Variants in RNF212B observed in about 807,000 individuals in gnomAD.
The protein encoded by RNF212B is ring finger protein 212B.
In RNF212B, 52 loss-of-function variants were observed where a neutral mutation model predicts 55.5. The ratio of observed to expected loss-of-function variants is 0.94; its 90% CI spans 0.75 to 1.18. RNF212B has a LOEUF of 1.18. RNF212B is among the 50% of genes most tolerant of loss of function. The probability of loss-of-function intolerance (pLI) is 0.00; values close to 1 mark genes in which losing one functional copy is unlikely to be tolerated. For missense variants in RNF212B, 289 were observed against 350.4 expected (o/e 0.82, Z 1.40); for synonymous variants, 99 against 121.4 (o/e 0.82, Z 1.21).
intron 5 of RNF212B, among the ~76,000 whole-genome samples, chr14:23,258,880 C>G (rs751758058): frequency 6.6e-6 from 1 of 151,756 alleles, no homozygotes; most frequent in Non-Finnish European, 1.5e-5. Flanking sequence ...TCTTCTATTT[C>G]TCGGTATCAA....
intron 2 of RNF212B, among the ~76,000 whole-genome samples, chr14:23,212,345 T>C (rs867610345): frequency 1.2e-4 from 19 of 152,178 alleles, no homozygotes; most frequent in African/African-American, 4.3e-4. Context: ...CTGTTTTTCT[T>C]TTTTTGAGCT....
At chr14:23,234,012 GC>G (rs1454146982), upstream of RNF212B, among the ~76,000 whole-genome samples, 1 of 152,102 alleles carries the variant, frequency 6.6e-6, no homozygotes, top group African/African-American at 2.4e-5. Flanking sequence ...CAGGAGAATT[GC>G]TTGAACCTGG....
intron 2 of RNF212B, among the ~76,000 whole-genome samples, chr14:23,232,056 G>T (rs532582163): frequency 6.6e-6 from 1 of 151,892 alleles, no homozygotes; most frequent in East Asian, 1.9e-4. Context: ...GCCTCTGCCC[G>T]GCTGCCACCC....
rs934609686 is a variant in RNF212B at position 23,258,556 on chromosome 14, G to A, written c.236G>A (p.Ser79Asn). The A allele has an allele frequency of 1.9e-5, 29 of 1,518,074 alleles. No individual in the cohort carries two copies. The highest frequency in any genetic ancestry group is 2.5e-5 in the South Asian group (2 of 80,328). The allele number at this position is 1,518,074 out of a possible 1,614,324, so 94.0% of individuals were successfully genotyped here. A position where few individuals can be genotyped will look rare whatever the true frequency, so the allele number is the denominator to read the frequency against. ...CTTGTTTTTCCCTAGTAGGTGTGGA[G>A]TTTCCAGAAGAAACAAACAGATCTC... Reference protein sequence around the residue: ...QYFSHISQVWSFQKKQTDLLI... With the variant: ...QYFSHISQVWNFQKKQTDLLI... The change falls in exon 5 of 15, where the codon AGT becomes AAT. Residue 79 changes from serine to asparagine, a missense_variant. Physicochemically the swap from Ser to Asn is conservative, Grantham distance 46 (BLOSUM62 1). Transcript: ENST00000430154.
At chr14:23,216,456 A>C (rs1254621578) in intron 2 of RNF212B, among the ~76,000 whole-genome samples, 1 of 152,202 alleles carries the variant, frequency 6.6e-6, no homozygotes, top group African/African-American at 2.4e-5. Context: ...ATCAATAAGT[A>C]CATTAAATTT....
chr14:23,254,329 A>G (rs1884640986), intron 4 of RNF212B, among the ~76,000 whole-genome samples: 1 of 145,842 alleles, frequency 6.9e-6, no homozygotes, highest in Admixed American at 6.8e-5. Context: ...AAAAAACAAA[A>G]ACAAAAACAA....
intron 4 of RNF212B, among the ~76,000 whole-genome samples, chr14:23,256,307 C>T (rs941266821): frequency 6.6e-6 from 1 of 151,908 alleles, no homozygotes; most frequent in Non-Finnish European, 1.5e-5. Flanking sequence ...CTCCTCACTC[C>T]TACCCCCCTG....
chr14:23,266,230 A>AT (rs1885683012), intron 11 of RNF212B, among the ~76,000 whole-genome samples: 1 of 151,818 alleles, frequency 6.6e-6, no homozygotes, highest in South Asian at 2.1e-4. Flanking sequence ...AAGTGCTGGG[A>AT]TTATACCCAT....
At chr14:23,193,649 G>C (rs1878340040) in intron 2 of RNF212B, among the ~76,000 whole-genome samples, 2 of 151,870 alleles carry the variant, frequency 1.3e-5, no homozygotes, top group Non-Finnish European at 2.9e-5. Context: ...GCAAGCAAAT[G>C]AAAACATGAG....
At chr14:23,193,208 A>G (rs1174556837) in intron 1 of RNF212B, 1 of 152,148 alleles carries the variant, frequency 6.6e-6, no homozygotes, top group East Asian at 1.9e-4. Context: ...GAGAAGGAAT[A>G]TGATTTTCAA....
intron 2 of RNF212B, among the ~76,000 whole-genome samples, chr14:23,194,123 T>C (rs572223127): frequency 6.6e-6 from 1 of 152,324 alleles, no homozygotes; most frequent in Non-Finnish European, 1.5e-5. Context: ...TTTACAGGCA[T>C]GAGCCACCAT....
chr14:23,191,169 C>G (rs908133511), intron 1 of RNF212B, among the ~76,000 whole-genome samples: 8 of 152,038 alleles, frequency 5.3e-5, no homozygotes, highest in Non-Finnish European at 1.0e-4. Context: ...GCCTGGCCAA[C>G]AAGGCAAAAC....
intron 1 of RNF212B, among the ~76,000 whole-genome samples, chr14:23,187,473 C>T (rs1451295034): frequency 1.3e-5 from 2 of 152,138 alleles, no homozygotes; most frequent in African/African-American, 2.4e-5. Flanking sequence ...CTCAGCCTCC[C>T]GAGTAGCTGG....
intron 2 of RNF212B, among the ~76,000 whole-genome samples, chr14:23,218,326 C>G (rs1881277353): frequency 6.6e-6 from 1 of 151,802 alleles, no homozygotes; most frequent in Non-Finnish European, 1.5e-5. Flanking sequence ...CAAGATTGCA[C>G]CTCTGCACTA....
chr14:23,209,040 G>C (rs567938392), intron 2 of RNF212B, among the ~76,000 whole-genome samples: 39 of 152,286 alleles, frequency 2.6e-4, no homozygotes, highest in East Asian at 5.8e-4. Context: ...TTACAGGCGT[G>C]AGCCACCGTG....
chr14:23,235,590 T>C (rs149316095), upstream of RNF212B, among the ~76,000 whole-genome samples: 467 of 152,322 alleles, frequency 3.1e-3, no homozygotes, highest in Non-Finnish European at 5.0e-3. Context: ...AGATGAAAAT[T>C]AGACCTTTGG....
At chr14:23,256,111 C>A (rs925227569) in intron 4 of RNF212B, among the ~76,000 whole-genome samples, 2 of 151,964 alleles carry the variant, frequency 1.3e-5, no homozygotes, top group African/African-American at 4.8e-5. Flanking sequence ...TATGCACTTA[C>A]GACCCTTGGT....
chr14:23,229,443 T>A (rs1357799803), intron 2 of RNF212B, among the ~76,000 whole-genome samples: 2 of 151,752 alleles, frequency 1.3e-5, no homozygotes, highest in African/African-American at 4.8e-5. Flanking sequence ...AGTTCTATTT[T>A]TCACTTTTTG....
chr14:23,204,445 G>C (rs752635284), intron 2 of RNF212B, among the ~76,000 whole-genome samples: 1 of 152,106 alleles, frequency 6.6e-6, no homozygotes, highest in African/African-American at 2.4e-5. Flanking sequence ...CCTACCTGTG[G>C]CTAGCCAATT....
Sources: gnomAD v4.1 joint callset for allele counts (sites outside exome capture counted in the v4.1 genomes callset) on GRCh38, gnomAD v4.1.1 for gene constraint, MANE v1.5 for transcripts, NCBI Gene and HGNC (gene_info 2026-07-23, HGNC 2026-07-21) for gene names.